PRKCZ: variants seen among roughly 807,000 people sequenced by gnomAD.
PRKCZ encodes protein kinase C zeta, also known as protein kinase C zeta type.
In PRKCZ, 33 loss-of-function variants were observed where a neutral mutation model predicts 79.5. The ratio of observed to expected loss-of-function variants is 0.41; its 90% CI spans 0.31 to 0.55. The LOEUF (loss-of-function observed/expected upper bound fraction) is 0.55, where lower values mean the gene tolerates loss of function less well. Among genes scored for constraint, PRKCZ ranks in the 20% least tolerant of loss-of-function variants. The pLI is 0.19. For synonymous variants in PRKCZ, 342 were observed against 320.9 expected (o/e 1.07, Z -0.70); for missense variants, 578 against 813.5 (o/e 0.71, Z 3.52).
intron 11 of PRKCZ, 83 bp from the exon 12 acceptor site, chr1:2,171,972 G>T (rs539452215): frequency 6.7e-7 from 1 of 1,485,350 alleles, no homozygotes; most frequent in African/African-American, 1.4e-5. Context: ...TGGGGCAAAC[G>T]GGAGTGTGTG....
At chr1:2,110,354 C>T (rs552449811) in intron 4 of PRKCZ, among the ~76,000 whole-genome samples, 1 of 152,252 alleles carries the variant, frequency 6.6e-6, no homozygotes, top group Admixed American at 6.5e-5. Flanking sequence ...CAGGACCTTT[C>T]TTCCCTCTCT....
At chr1:2,098,653 GT>G (rs1666939162) in intron 4 of PRKCZ, 2 of 143,834 alleles carry the variant, frequency 1.4e-5, no homozygotes, top group Admixed American at 7.2e-5. Context: ...ATGGTTTTTT[GT>G]TTGTTTTCGT....
At chr1:2,152,999 C>T (rs539463323) in intron 9 of PRKCZ, among the ~76,000 whole-genome samples, 9 of 152,238 alleles carry the variant, frequency 5.9e-5, no homozygotes, top group African/African-American at 2.2e-4. Flanking sequence ...TGAGTGCAAA[C>T]CTAGCAGTAC....
chr1:2,127,394 G>GCC lies in PRKCZ; in HGVS notation c.335-7861_335-7860dup, dbSNP rs560988755. Among the ~76,000 whole-genome samples, 5 of 151,398 alleles carry GCC rather than the reference G, an allele frequency of 3.3e-5. No individual in the cohort carries two copies. The East Asian group carries it at 9.8e-4, about 30-fold the overall frequency. On this transcript the variant is annotated intron_variant, in intron 4 of 17. Transcript: ENST00000378567. The surrounding 1 kb of genome is among the most constrained non-coding windows in gnomAD (Gnocchi z 5.1). ...CAGATGGAGGGGCTGCACCTCCACT[G>GCC]CCCCCCCCACCGCCGCCCCTGCCCC...
At chr1:2,104,960 G>A (rs1470444723) in intron 4 of PRKCZ, 12 of 981,428 alleles carry the variant, frequency 1.2e-5, no homozygotes, top group South Asian at 4.7e-5. Flanking sequence ...AGGAGGGCGC[G>A]GCCGGCCTCA....
intron 4 of PRKCZ, among the ~76,000 whole-genome samples, chr1:2,071,988 C>T (rs1166890191): frequency 6.6e-6 from 1 of 152,232 alleles, no homozygotes; most frequent in African/African-American, 2.4e-5. Flanking sequence ...AAAATATTAT[C>T]CTTTTCATTT....
chr1:2,145,954 T>G, intron 6 of PRKCZ, 73 bp from the exon 7 acceptor site: 1 of 1,328,292 alleles, frequency 7.5e-7, no homozygotes, highest in South Asian at 1.2e-5. Context: ...AGTCACAAAG[T>G]GTTTACAGAA....
At chr1:2,175,600 C>A (rs1572014863) in intron 16 of PRKCZ, among the ~76,000 whole-genome samples, 1 of 146,930 alleles carries the variant, frequency 6.8e-6, no homozygotes, top group African/African-American at 2.5e-5. Flanking sequence ...ATCTGGTGGA[C>A]AGAGCCGGGG....
chr1:2,127,218 C>G lies in PRKCZ; in HGVS notation c.335-8044C>G, dbSNP rs775662023. Among the ~76,000 whole-genome samples the G allele has an allele frequency of 3.3e-5, 5 of 152,258 alleles. No individual in the cohort carries two copies. Among genetic ancestry groups the G allele is most frequent in the Non-Finnish European group, 7.3e-5 (5 of 68,040 alleles). On this transcript the variant is annotated intron_variant, in intron 4 of 17. Transcript: ENST00000378567. This position sits in a 1 kb window ranked among gnomAD's most constrained non-coding sequence, Gnocchi z 5.1. ...TTCCCGCCACAGTGGTGCCCAAAAC[C>G]TTTTCCAAGTCGTCTTCTGTGACTT...
chr1:2,050,400 C>A (rs1359806637), upstream of PRKCZ: 6 of 177,740 alleles, frequency 3.4e-5, no homozygotes, highest in East Asian at 4.9e-4. Context: ...GGCTCCACCT[C>A]GGTCCGCCAT....
Position 2,142,370 on chromosome 1 carries a change from C to T in PRKCZ, c.421-1840C>T, listed in dbSNP as rs1242914037. On this transcript the variant is annotated intron_variant, in intron 5 of 17. Coordinates refer to ENST00000378567, the MANE Select transcript of PRKCZ (RefSeq NM_002744.6). Reference sequence around the variant, plus strand: ...AATCCAGGGTCCACACATCCAGCAGCCGAAGCGCCCTCCTTTCAATCCAGG... The same window carrying T: ...AATCCAGGGTCCACACATCCAGCAGTCGAAGCGCCCTCCTTTCAATCCAGG... 2 of 58,582 alleles carry T rather than the reference C, an allele frequency of 3.4e-5. 1 individual carries two copies. Among genetic ancestry groups the T allele is most frequent in the Non-Finnish European group, 6.1e-5 (2 of 32,790 alleles). The allele number at this position is 58,582 out of a possible 1,614,324, so 3.6% of individuals were successfully genotyped here.
chr1:2,143,540 G>C (rs1249924384), intron 5 of PRKCZ: 1 of 152,206 alleles, frequency 6.6e-6, no homozygotes, highest in Non-Finnish European at 1.5e-5. Flanking sequence ...TGTCCAAGCA[G>C]GTCCCGACAA....
intron 16 of PRKCZ, among the ~76,000 whole-genome samples, chr1:2,179,929 A>G (rs1237593414): frequency 6.6e-6 from 1 of 152,178 alleles, no homozygotes; most frequent in Non-Finnish European, 1.5e-5. Flanking sequence ...AGAGGAGGGC[A>G]GGTGACAAGA....
At chr1:2,158,186 G>C (rs1020063286) in intron 10 of PRKCZ, among the ~76,000 whole-genome samples, 3 of 152,210 alleles carry the variant, frequency 2.0e-5, no homozygotes, top group Non-Finnish European at 4.4e-5. Context: ...CCTCCTAAGT[G>C]TGTTTCAGGG....
intron 4 of PRKCZ, among the ~76,000 whole-genome samples, chr1:2,132,182 T>G (rs746233102): frequency 6.6e-6 from 1 of 152,242 alleles, no homozygotes; most frequent in Non-Finnish European, 1.5e-5. Flanking sequence ...TCTGTCACCC[T>G]AGGGTTTGAT....
chr1:2,052,400 G>A (rs1659758436), intron 1 of PRKCZ, among the ~76,000 whole-genome samples: 1 of 137,894 alleles, frequency 7.3e-6, no homozygotes, highest in African/African-American at 2.7e-5. Flanking sequence ...CTCCCTTCCC[G>A]GACTCTCTCC....
chr1:2,135,411 G>C, intron 5 of PRKCZ, 64 bp downstream of exon 5: 6 of 1,429,072 alleles, frequency 4.2e-6, no homozygotes, highest in Non-Finnish European at 4.8e-6. Flanking sequence ...AGCAAAGAGA[G>C]AGGAGGGGAG....
chr1:2,088,974 T>A (rs1290835623), intron 4 of PRKCZ, among the ~76,000 whole-genome samples: 3 of 152,286 alleles, frequency 2.0e-5, no homozygotes, highest in African/African-American at 7.2e-5. Context: ...ATATCGTTTT[T>A]AATTTCATTC....
chr1:2,081,597 C>T (rs935397187), intron 4 of PRKCZ, among the ~76,000 whole-genome samples: 2 of 152,050 alleles, frequency 1.3e-5, no homozygotes, highest in African/African-American at 4.8e-5. Flanking sequence ...GGTGCTGGGT[C>T]GAGGCGGGGA....
Sources: gnomAD v4.1 joint callset for allele counts (sites outside exome capture counted in the v4.1 genomes callset) on GRCh38, gnomAD v4.1.1 for gene constraint, Gnocchi (gnomAD v3.1) non-coding constraint, MANE v1.5 for transcripts, NCBI Gene and HGNC (gene_info 2026-07-23, HGNC 2026-07-21) for gene names.